BTBD8: variants seen among roughly 807,000 people sequenced by gnomAD.
BTBD8 encodes the protein BTB/POZ domain-containing protein 8.
A neutral mutation model predicts 162.9 loss-of-function variants in BTBD8; 110 were observed. The observed-to-expected ratio is 0.68, with a 90% confidence interval of 0.58 to 0.79. BTBD8 has a LOEUF of 0.79. BTBD8 is among the 30% of genes least tolerant of loss of function. The pLI is 0.00. For missense variants in BTBD8, 1,905 were observed against 2,085.4 expected (o/e 0.91, Z 1.68); for synonymous variants, 667 against 716.1 (o/e 0.93, Z 1.10).
At chr1:92,083,213 C>T (rs1239311431) in intron 1 of BTBD8, among the ~76,000 whole-genome samples, 1 of 151,974 alleles carries the variant, frequency 6.6e-6, no homozygotes, top group East Asian at 1.9e-4. Context: ...AATGACTTGC[C>T]CAGGGTCACA....
At chr1:92,098,221 G>T (rs1648503095) in intron 2 of BTBD8, among the ~76,000 whole-genome samples, 1 of 152,082 alleles carries the variant, frequency 6.6e-6, no homozygotes, top group Admixed American at 6.5e-5. Flanking sequence ...ATCAGCCAAG[G>T]GCCAAGTTTA....
In BTBD8 at chr1:92,134,961, G is replaced by A. The variant is rs189069169; in HGVS notation, c.753-4389G>A. 3.9e-4 allele frequency among the ~76,000 whole-genome samples: 59 copies of A among 150,382 alleles called. No homozygotes were observed. In the East Asian group the frequency reaches 9.0e-3, roughly 23 times the overall value. On this transcript the variant is annotated intron_variant, in intron 5 of 17. Transcript: ENST00000636805. The stretch of plus-strand genomic sequence containing the variant: ...GGCTGGAGTGCAGTGGCGTGATCTC[G>A]GCTCACTGCAACCTCCACCTCCCGG...
chr1:92,085,687 G>A (rs780525441), intron 1 of BTBD8, among the ~76,000 whole-genome samples: 12 of 152,114 alleles, frequency 7.9e-5, no homozygotes, highest in South Asian at 2.1e-4. Context: ...CCAAGATCAC[G>A]CAACTGCACT....
At chr1:92,089,686 A>G (rs1318182841) in intron 2 of BTBD8, among the ~76,000 whole-genome samples, 4 of 152,170 alleles carry the variant, frequency 2.6e-5, no homozygotes, top group Admixed American at 2.0e-4. Context: ...TCTTTTTTAT[A>G]AGAGCACTAA....
intron 3 of BTBD8, among the ~76,000 whole-genome samples, chr1:92,105,284 A>G (rs1259971166): frequency 6.7e-6 from 1 of 150,238 alleles, no homozygotes; most frequent in Non-Finnish European, 1.5e-5. Context: ...ATGGGGTCTC[A>G]CTCTGTCACC....
intron 7 of BTBD8, among the ~76,000 whole-genome samples, chr1:92,143,262 A>C (rs1046935291): frequency 2.2e-4 from 34 of 152,264 alleles, no homozygotes; most frequent in Middle Eastern, 3.4e-3. Context: ...AGAGCCTTAA[A>C]AGCTGTAAAA....
chr1:92,139,812 G>A (rs1473102136), intron 6 of BTBD8: 1 of 164,608 alleles, frequency 6.1e-6, no homozygotes, highest in Non-Finnish European at 1.3e-5. Flanking sequence ...ATAGGGGCTG[G>A]GTGCGGTGGC....
chr1:92,167,261 T>C, intron 10 of BTBD8, 121 bp downstream of exon 10: 1 of 1,222,380 alleles, frequency 8.2e-7, no homozygotes, highest in Non-Finnish European at 1.1e-6. Context: ...ATAAACTCCA[T>C]AGCAGATGGC....
chr1:92,109,410 A>G (rs916258647), intron 4 of BTBD8, among the ~76,000 whole-genome samples: 5 of 152,074 alleles, frequency 3.3e-5, no homozygotes, highest in African/African-American at 1.2e-4. Context: ...ACCATTTCCA[A>G]TATGTCCTCA....
chr1:92,147,413 T>C, intron 8 of BTBD8, 145 bp downstream of exon 8: 1 of 653,418 alleles, frequency 1.5e-6, no homozygotes, highest in Non-Finnish European at 2.6e-6. Flanking sequence ...GTTTCACCAC[T>C]AAGTAGAATA....
chr1:92,129,646 T>G (rs368289360), intron 4 of BTBD8, 41 bp from the exon 5 acceptor site: 10 of 1,407,588 alleles, frequency 7.1e-6, no homozygotes, highest in Non-Finnish European at 9.1e-6. Context: ...TTGAATAATA[T>G]GTAAATGTTT....
chr1:92,178,508 A>G lies in BTBD8; in HGVS notation c.2581+57A>G, dbSNP rs1034314646. 5 of 1,397,826 alleles carry G rather than the reference A, an allele frequency of 3.6e-6. No homozygotes were observed. The African/African-American group carries it at 7.3e-5, about 20-fold the overall frequency. The allele number at this position is 1,397,826 out of a possible 1,614,324, so 86.6% of individuals were successfully genotyped here. A position where few individuals can be genotyped will look rare whatever the true frequency, so the allele number is the denominator to read the frequency against. On this transcript the variant is annotated intron_variant, in intron 16 of 17. Coordinates refer to ENST00000636805, the MANE Select transcript of BTBD8 (RefSeq NM_001376131.1). Reference sequence around the variant, plus strand: ...ATTATTTCCTTGTGTAAACTGGATAAGCCAAACTCTGATTTGCAACTTCAG... The same window carrying G: ...ATTATTTCCTTGTGTAAACTGGATAGGCCAAACTCTGATTTGCAACTTCAG...
chr1:92,168,873 C>T lies in BTBD8; in HGVS notation c.1451C>T (p.Thr484Met), dbSNP rs1294892053. The T allele has an allele frequency of 3.3e-6, 5 of 1,517,510 alleles. No homozygotes were observed. Among genetic ancestry groups the T allele is most frequent in the Admixed American group, 2.0e-5 (1 of 50,672 alleles). 94.0% of individuals were successfully genotyped at this position (1,517,510 alleles called of 1,614,324 possible). A position where few individuals can be genotyped will look rare whatever the true frequency, so the allele number is the denominator to read the frequency against. ...NSDSTKEMGF[T>M]CKIQALRDKL... is the part of the protein sequence containing the mutation. Reference sequence around the variant, plus strand: ...TTTGTTGCTTGAACACAGGGTTTTACGTGCAAGATCCAGGCTCTGCGTGAT... The same window carrying T: ...TTTGTTGCTTGAACACAGGGTTTTATGTGCAAGATCCAGGCTCTGCGTGAT... The change falls in exon 12 of 18, where the codon ACG becomes ATG. Residue 484 changes from threonine to methionine, a missense_variant. Thr to Met is a moderately conservative substitution (Grantham distance 81). Transcript: ENST00000636805.
intron 9 of BTBD8, among the ~76,000 whole-genome samples, chr1:92,164,321 T>C (rs1054764539): frequency 2.6e-5 from 4 of 152,038 alleles, no homozygotes; most frequent in African/African-American, 4.8e-5. Context: ...ACTCCATCCC[T>C]ACAAAATTTT....
At chr1:92,155,253 G>A (rs1036369004) in intron 9 of BTBD8, among the ~76,000 whole-genome samples, 37 of 152,212 alleles carry the variant, frequency 2.4e-4, no homozygotes, top group East Asian at 7.7e-4. Context: ...TTGTGGTTCC[G>A]TATGAATTTT....
intron 12 of BTBD8, among the ~76,000 whole-genome samples, chr1:92,170,440 T>C (rs977481819): frequency 9.2e-5 from 14 of 152,160 alleles, no homozygotes; most frequent in Middle Eastern, 3.4e-3. Context: ...TTGGGAGAAA[T>C]TTTTTAGTTT....
chr1:92,183,992 CAT>C lies in BTBD8; in HGVS notation c.5042_5043del (p.His1681ArgfsTer7), dbSNP rs1557470797. The C allele has an allele frequency of 3.9e-6, 6 of 1,551,504 alleles. No individual in the cohort carries two copies. The highest frequency in any genetic ancestry group is 3.9e-5 in the Admixed American group (2 of 50,980). ...AFEQKVESET[H>X]VTDMDFEDDQ... is the part of the protein sequence containing the mutation. ...TGAGCAGAAAGTGGAATCAGAAACA[CAT>C]GTTACAGATATGGATTTTGAAGATG... On this transcript the variant is annotated frameshift_variant, in exon 18 of 18. Coordinates refer to ENST00000636805, the MANE Select transcript of BTBD8 (RefSeq NM_001376131.1). LOFTEE classifies it high-confidence loss of function.
In BTBD8 at chr1:92,147,738, A is replaced by C; in HGVS notation, c.1074A>C (p.Ile358=). The C allele has an allele frequency of 6.2e-7, 1 of 1,613,690 alleles. No homozygotes were observed. The highest frequency in any genetic ancestry group is 8.5e-7 in the Non-Finnish European group (1 of 1,179,868). ...GGTCTGAGAGAAGCTTTGCAAATATACCTCCTGAGATTCAGAAAAGTTGTC... is the reference window on the plus strand; with the variant it reads ...GGTCTGAGAGAAGCTTTGCAAATATCCCTCCTGAGATTCAGAAAAGTTGTC... ...RFWSERSFAN[I]PPEIQKSCLN... The change falls in exon 9 of 18, where the codon ATA becomes ATC. Residue 358 remains isoleucine, a synonymous_variant. Transcript: ENST00000636805.
chr1:92,146,404 C>T (rs1344373212), intron 7 of BTBD8, among the ~76,000 whole-genome samples: 6 of 152,174 alleles, frequency 3.9e-5, no homozygotes, highest in African/African-American at 4.8e-5. Context: ...CCATTATCAA[C>T]GTCCCACACT....
Sources: gnomAD v4.1 joint callset for allele counts (sites outside exome capture counted in the v4.1 genomes callset) on GRCh38, gnomAD v4.1.1 for gene constraint, MANE v1.5 for transcripts, NCBI Gene and HGNC (gene_info 2026-07-23, HGNC 2026-07-21) for gene names.